The following HHAT variants were observed in gnomAD, a reference collection of about 807,000 sequenced individuals.
HHAT encodes hedgehog acyltransferase.
HHAT carries 47 observed loss-of-function variants against 70.8 expected under a neutral mutation model. The ratio of observed to expected loss-of-function variants is 0.66; its 90% CI spans 0.53 to 0.85. The LOEUF (loss-of-function observed/expected upper bound fraction) is 0.85, where lower values mean the gene tolerates loss of function less well. Among genes scored for constraint, HHAT ranks in the 40% least tolerant of loss-of-function variants. The pLI is 0.00. For missense variants in HHAT, 609 were observed against 604.8 expected, an observed-to-expected ratio of 1.01 and a Z score of -0.07; for synonymous variants, 228 against 247.6, an observed-to-expected ratio of 0.92 and a Z score of 0.74.
At chr1:210,328,682 C>T (rs1385423850), upstream of HHAT, among the ~76,000 whole-genome samples, 1 of 152,240 alleles carries the variant, frequency 6.6e-6, no homozygotes, top group African/African-American at 2.4e-5. Context: ...CAGCCCCAGA[C>T]CTGCAATGAA....
chr1:210,616,209 T>C (rs771803179), intron 10 of HHAT, among the ~76,000 whole-genome samples: 26 of 152,208 alleles, frequency 1.7e-4, no homozygotes, highest in Non-Finnish European at 3.7e-4. Flanking sequence ...ATCTACTCTC[T>C]TAGTGATTTT....
At chr1:210,476,201 T>G (rs1003250654) in intron 8 of HHAT, among the ~76,000 whole-genome samples, 1 of 152,228 alleles carries the variant, frequency 6.6e-6, no homozygotes, top group South Asian at 2.1e-4. Context: ...ACAGACAACA[T>G]TTGTTTTGTG....
intron 3 of HHAT, among the ~76,000 whole-genome samples, chr1:210,382,500 T>C (rs1039519186): frequency 6.6e-6 from 1 of 152,224 alleles, no homozygotes; most frequent in Non-Finnish European, 1.5e-5. Flanking sequence ...GCTTGCTGAA[T>C]GTTGGGCATC....
At chr1:210,351,391 A>G (rs1224346579) in intron 2 of HHAT, among the ~76,000 whole-genome samples, 1 of 152,202 alleles carries the variant, frequency 6.6e-6, no homozygotes, top group Non-Finnish European at 1.5e-5. Context: ...ATAGTGTTTA[A>G]TCTGGGCACT....
intron 7 of HHAT, among the ~76,000 whole-genome samples, chr1:210,448,163 C>T (rs1021317690): frequency 2.0e-5 from 3 of 151,052 alleles, no homozygotes; most frequent in African/African-American, 7.3e-5. Flanking sequence ...CTCACTGCAA[C>T]CTCTGCCTTC....
chr1:210,496,616 A>C (rs970194612), intron 8 of HHAT, among the ~76,000 whole-genome samples: 1 of 152,172 alleles, frequency 6.6e-6, no homozygotes, highest in Non-Finnish European at 1.5e-5. Context: ...TCATGTGAGA[A>C]AGTGTTTAAG....
intron 9 of HHAT, among the ~76,000 whole-genome samples, chr1:210,536,750 T>C (rs535312926): frequency 2.5e-4 from 38 of 152,344 alleles, no homozygotes; most frequent in Middle Eastern, 3.4e-3. Context: ...GTTGGACCTT[T>C]GCCATACAGC....
chr1:210,482,148 A>G (rs1250042082), intron 8 of HHAT, among the ~76,000 whole-genome samples: 1 of 152,210 alleles, frequency 6.6e-6, no homozygotes, highest in East Asian at 1.9e-4. Flanking sequence ...AAACCAGTTA[A>G]GAGAGTGCCG....
intron 9 of HHAT, among the ~76,000 whole-genome samples, chr1:210,569,632 T>C (rs749557046): frequency 3.3e-5 from 5 of 152,144 alleles, no homozygotes; most frequent in South Asian, 4.1e-4. Flanking sequence ...GTCAGTGATA[T>C]TAGCGATACA....
intron 10 of HHAT, among the ~76,000 whole-genome samples, chr1:210,610,501 C>A (rs1666364181): frequency 6.6e-6 from 1 of 152,092 alleles, no homozygotes; most frequent in South Asian, 2.1e-4. Flanking sequence ...TTTTGCTATG[C>A]AGAAGCTCTT....
chr1:210,615,751 G>A (rs936668012), intron 10 of HHAT, among the ~76,000 whole-genome samples: 10 of 152,238 alleles, frequency 6.6e-5, no homozygotes, highest in African/African-American at 1.9e-4. Context: ...GCAGAGCAGC[G>A]AATATTGCTG....
chr1:210,545,796 C>T (rs998792701), intron 9 of HHAT, among the ~76,000 whole-genome samples: 2 of 152,138 alleles, frequency 1.3e-5, no homozygotes, highest in African/African-American at 4.8e-5. Flanking sequence ...TGTTGTTTCT[C>T]CCTGAATAGT....
chr1:210,589,453 G>T (rs1661184345), intron 10 of HHAT: 1 of 152,218 alleles, frequency 6.6e-6, no homozygotes, highest in Non-Finnish European at 1.5e-5. Context: ...AAACCAAAAA[G>T]GATGGTATCA....
At chr1:210,590,431 G>C (rs998787917) in intron 10 of HHAT, 1 of 151,664 alleles carries the variant, frequency 6.6e-6, no homozygotes, top group Non-Finnish European at 1.5e-5. Context: ...TGTGTATTTT[G>C]GTAGGGGGAT....
intron 10 of HHAT, among the ~76,000 whole-genome samples, chr1:210,598,911 T>G (rs532203270): frequency 6.6e-6 from 1 of 152,338 alleles, no homozygotes; most frequent in African/African-American, 2.4e-5. Context: ...TTGCTTCACC[T>G]CCCACTTCTT....
At chr1:210,338,369 A>G (rs58281214) in intron 1 of HHAT, among the ~76,000 whole-genome samples, 3,455 of 152,250 alleles carry the variant, frequency 0.023, 146 homozygotes, top group African/African-American at 0.079. Flanking sequence ...CAAGTCATTG[A>G]AGTAATGGTT....
intron 9 of HHAT, among the ~76,000 whole-genome samples, chr1:210,527,346 T>A (rs558764354): frequency 6.6e-6 from 1 of 152,322 alleles, no homozygotes; most frequent in East Asian, 1.9e-4. Context: ...GATGCATTAC[T>A]CTTGACCATG....
chr1:210,456,474 A>T (rs1409900731), intron 7 of HHAT, among the ~76,000 whole-genome samples: 2 of 152,198 alleles, frequency 1.3e-5, no homozygotes, highest in African/African-American at 4.8e-5. Context: ...CAACTACCGG[A>T]TGTGCATGGC....
At chr1:210,592,866 AAAAC>A (rs987897704) in intron 10 of HHAT, among the ~76,000 whole-genome samples, 2 of 128,428 alleles carry the variant, frequency 1.6e-5, no homozygotes, top group African/African-American at 5.4e-5. Flanking sequence ...ATCTTTTCAA[AAAAC>A]CAACTTTTCT....
Sources: gnomAD v4.1 joint callset for allele counts (sites outside exome capture counted in the v4.1 genomes callset) on GRCh38, gnomAD v4.1.1 for gene constraint, MANE v1.5 for transcripts, NCBI Gene and HGNC (gene_info 2026-07-23, HGNC 2026-07-21) for gene names.